PTPRD: variants seen among roughly 807,000 people sequenced by gnomAD.
The protein encoded by PTPRD is receptor-type tyrosine-protein phosphatase delta.
In PTPRD, 34 loss-of-function variants were observed where a neutral mutation model predicts 214.5. The observed-to-expected ratio is 0.16, with a 90% CI of 0.12 to 0.21. The LOEUF (loss-of-function observed/expected upper bound fraction) is 0.21. PTPRD is among the 10% of genes least tolerant of loss of function. The probability of loss-of-function intolerance (pLI) is 1.00; values close to 1 mark genes in which losing one functional copy is unlikely to be tolerated. For synonymous variants in PTPRD, 1,128 were observed against 845.7 expected (o/e 1.33, Z -5.79); for missense variants, 2,545 against 2,398.7 (o/e 1.06, Z -1.27).
At chr9:10,062,453 A>C in intron 3 of PTPRD, among the ~76,000 whole-genome samples, 1 of 152,054 alleles carries the variant, frequency 6.6e-6, no homozygotes. Flanking sequence ...TAAAAATACA[A>C]AAAATAGCTG....
chr9:10,455,624 C>G (rs1310956900), intron 2 of PTPRD, among the ~76,000 whole-genome samples: 1 of 151,726 alleles, frequency 6.6e-6, no homozygotes, highest in Non-Finnish European at 1.5e-5. Flanking sequence ...CCTTTTGTCT[C>G]TCCCATTCGT....
intron 11 of PTPRD, among the ~76,000 whole-genome samples, chr9:8,897,011 G>T (rs2098621414): frequency 6.6e-6 from 1 of 152,080 alleles, no homozygotes; most frequent in Non-Finnish European, 1.5e-5. Context: ...CAAATTAAAG[G>T]CTTTTGATAG....
intron 8 of PTPRD, among the ~76,000 whole-genome samples, chr9:9,567,466 T>C (rs910064283): frequency 6.6e-6 from 1 of 152,024 alleles, no homozygotes; most frequent in Admixed American, 6.6e-5. Flanking sequence ...AGAAGAGATG[T>C]GGATGTAAAC....
intron 35 of PTPRD, 106 bp from the exon 36 acceptor site, chr9:8,404,766 G>A: frequency 1.5e-6 from 2 of 1,342,148 alleles, no homozygotes; most frequent in Non-Finnish European, 9.9e-7. Flanking sequence ...AAATTCTGAA[G>A]CCATACTTCA....
intron 7 of PTPRD, among the ~76,000 whole-genome samples, chr9:9,719,395 G>A (rs1787095534): frequency 6.6e-6 from 1 of 152,148 alleles, no homozygotes; most frequent in African/African-American, 2.4e-5. Context: ...GCTAAGTCAT[G>A]GGCAGTGACA....
At chr9:9,262,188 A>C (rs2099980432) in intron 9 of PTPRD, among the ~76,000 whole-genome samples, 1 of 151,696 alleles carries the variant, frequency 6.6e-6, no homozygotes, top group Non-Finnish European at 1.5e-5. Context: ...ACTTCTTTTA[A>C]AAATATTTCT....
rs1018237791 is a variant in PTPRD, at chr9:10,319,392, T to A, written c.-545+21571A>T. Among the ~76,000 whole-genome samples the A allele has an allele frequency of 2.6e-5, 4 of 152,184 alleles. No homozygotes were observed. The South Asian group carries it at 8.3e-4, about 32-fold the overall frequency. On this transcript the variant is annotated intron_variant, in intron 3 of 45. Transcript: ENST00000381196. Reference sequence around the variant, plus strand: ...CTCAACTAATAAGTACATCTGAAATTCAAAATATGTGCAAGGCATTATCTA... The same window carrying A: ...CTCAACTAATAAGTACATCTGAAATACAAAATATGTGCAAGGCATTATCTA...
At chr9:10,181,502 A>C (rs2099286339) in intron 3 of PTPRD, among the ~76,000 whole-genome samples, 1 of 151,850 alleles carries the variant, frequency 6.6e-6, no homozygotes, top group African/African-American at 2.4e-5. Context: ...CACCAACACT[A>C]ACTTTTTTTT....
chr9:8,387,436 T>C (rs2087539275), intron 37 of PTPRD, among the ~76,000 whole-genome samples: 1 of 152,194 alleles, frequency 6.6e-6, no homozygotes, highest in Non-Finnish European at 1.5e-5. Context: ...CAAGTTTCTG[T>C]GCACAGTTTA....
intron 11 of PTPRD, among the ~76,000 whole-genome samples, chr9:8,941,544 T>C (rs192142290): frequency 4.6e-5 from 7 of 152,224 alleles, no homozygotes; most frequent in East Asian, 3.9e-4. Context: ...CTACTTTCCT[T>C]TTTTATAAGA....
rs185204241 is a variant in PTPRD at position 8,319,694 on chromosome 9, G to A, written c.5670+137C>T. On this transcript the variant is annotated intron_variant, in intron 45 of 45. Coordinates refer to ENST00000381196, the MANE Select transcript of PTPRD (RefSeq NM_002839.4). ...TCCCATTTAAAAAGGGGGAAAATGA[G>A]GTTCAAAATTATTAAACAGTTTGAT... The A allele has an allele frequency of 1.3e-4, 128 of 1,023,886 alleles. No individual in the cohort carries two copies. The East Asian group carries it at 2.7e-3, about 22-fold the overall frequency. 63.4% of individuals were successfully genotyped at this position (1,023,886 alleles called of 1,614,324 possible). A position where few individuals can be genotyped will look rare whatever the true frequency, so the allele number is the denominator to read the frequency against.
At chr9:9,189,303 A>G (rs1204573960) in intron 9 of PTPRD, among the ~76,000 whole-genome samples, 1 of 152,110 alleles carries the variant, frequency 6.6e-6, no homozygotes, top group East Asian at 1.9e-4. Context: ...ACAGATGAGG[A>G]AGTTGAGGTG....
chr9:8,520,371 A>G (rs2138756148), intron 20 of PTPRD, among the ~76,000 whole-genome samples: 1 of 152,264 alleles, frequency 6.6e-6, no homozygotes, highest in African/African-American at 2.4e-5. Context: ...GAGATGCGAT[A>G]CCAATTATAA....
chr9:8,713,681 T>C (rs2098395528), intron 12 of PTPRD: 2 of 1,512,232 alleles, frequency 1.3e-6, no homozygotes, highest in Non-Finnish European at 1.8e-6. Context: ...GCCCACTCCA[T>C]TCAGATCATG....
intron 11 of PTPRD, among the ~76,000 whole-genome samples, chr9:8,997,131 A>C (rs1447514518): frequency 6.6e-6 from 1 of 152,114 alleles, no homozygotes; most frequent in African/African-American, 2.4e-5. Context: ...TCATTTGGAC[A>C]AACTGTGACT....
intron 12 of PTPRD, among the ~76,000 whole-genome samples, chr9:8,702,439 G>A (rs1403832586): frequency 2.6e-5 from 4 of 152,150 alleles, no homozygotes; most frequent in South Asian, 4.1e-4. Context: ...TACCTACTAC[G>A]TGAGTTCATG....
intron 2 of PTPRD, among the ~76,000 whole-genome samples, chr9:10,379,849 G>A (rs148589187): frequency 0.017 from 2,586 of 152,058 alleles, 35 homozygotes; most frequent in Non-Finnish European, 0.022. Flanking sequence ...TGTTGTTATA[G>A]ATAATATATT....
At chr9:10,252,786 A>G (rs2154370281) in intron 3 of PTPRD, among the ~76,000 whole-genome samples, 1 of 151,884 alleles carries the variant, frequency 6.6e-6, no homozygotes, top group Admixed American at 6.6e-5. Context: ...GCCGAAGTGT[A>G]TTTTTTTTCT....
intron 7 of PTPRD, among the ~76,000 whole-genome samples, chr9:9,609,989 T>C (rs1435110280): frequency 6.6e-6 from 1 of 152,198 alleles, no homozygotes; most frequent in Non-Finnish European, 1.5e-5. Context: ...ATGGCATATA[T>C]TTACCAAATG....
Sources: allele counts gnomAD v4.1 joint callset (sites outside exome capture counted in the v4.1 genomes callset), GRCh38; gene constraint gnomAD v4.1.1; transcripts MANE v1.5; gene names NCBI Gene and HGNC (gene_info 2026-07-23, HGNC 2026-07-21).